The following ATP2B2 variants were observed in gnomAD, a reference collection of about 807,000 sequenced individuals.
ATP2B2 encodes the protein plasma membrane calcium-transporting ATPase 2.
Under a neutral mutation model 120.0 loss-of-function variants are expected in ATP2B2, and 15 were observed. The ratio of observed to expected loss-of-function variants is 0.12; its 90% CI spans 0.08 to 0.19. ATP2B2 has a LOEUF of 0.19. Ranked by LOEUF, ATP2B2 falls within the 10% of genes least tolerant of loss-of-function variation. ATP2B2 has a pLI of 1.00. For missense variants in ATP2B2, 1,045 were observed against 1,719.8 expected (o/e 0.61, Z 6.94); for synonymous variants, 694 against 700.3 (o/e 0.99, Z 0.14).
intron 14 of ATP2B2, among the ~76,000 whole-genome samples, chr3:10,358,137 A>G (rs1474787196): frequency 1.3e-5 from 2 of 152,184 alleles, no homozygotes; most frequent in Non-Finnish European, 2.9e-5. Context: ...GAATCTGATA[A>G]AAGTAGACTC....
At chr3:10,513,072 T>C (rs1404866281) in intron 3 of ATP2B2, among the ~76,000 whole-genome samples, 1 of 152,206 alleles carries the variant, frequency 6.6e-6, no homozygotes, top group Non-Finnish European at 1.5e-5. Context: ...ACCCATGGTG[T>C]CTGCTCTCAA....
intron 2 of ATP2B2, among the ~76,000 whole-genome samples, chr3:10,618,105 A>G (rs1426604752): frequency 6.6e-6 from 1 of 152,226 alleles, no homozygotes; most frequent in Non-Finnish European, 1.5e-5. Context: ...TGTTTTATCC[A>G]TTGTCCAGTC....
chr3:10,604,979 T>C (rs2069022993), intron 2 of ATP2B2, among the ~76,000 whole-genome samples: 2 of 152,220 alleles, frequency 1.3e-5, no homozygotes, highest in African/African-American at 4.8e-5. Flanking sequence ...ATGCCCTTTT[T>C]ACCCTGTCTA....
intron 1 of ATP2B2, among the ~76,000 whole-genome samples, chr3:10,469,295 T>A (rs1446207496): frequency 6.6e-6 from 1 of 152,252 alleles, no homozygotes; most frequent in Non-Finnish European, 1.5e-5. Flanking sequence ...CCACATCACA[T>A]CCCTATGAGG....
At chr3:10,510,874 C>A (rs6780421) in intron 3 of ATP2B2, among the ~76,000 whole-genome samples, 36,533 of 152,088 alleles carry the variant, frequency 0.24, 4,849 homozygotes, top group South Asian at 0.38. Context: ...TCCCGCCCAT[C>A]AATCCTGACT....
chr3:10,444,526 C>A (rs2063773156), intron 2 of ATP2B2, among the ~76,000 whole-genome samples: 1 of 152,240 alleles, frequency 6.6e-6, no homozygotes, highest in Admixed American at 6.5e-5. Flanking sequence ...CTGTGGGATT[C>A]ATACAAAATT....
intron 2 of ATP2B2, among the ~76,000 whole-genome samples, chr3:10,568,530 G>A (rs765565331): frequency 6.6e-6 from 1 of 152,196 alleles, no homozygotes; most frequent in Non-Finnish European, 1.5e-5. Context: ...AACTCAGGGG[G>A]AAGCTTGCTT....
intron 12 of ATP2B2, among the ~76,000 whole-genome samples, chr3:10,360,532 C>T (rs986923086): frequency 6.6e-6 from 1 of 152,206 alleles, no homozygotes; most frequent in Non-Finnish European, 1.5e-5. Flanking sequence ...TAATTCACTC[C>T]TTGTCCCAGA....
chr3:10,647,074 G>A (rs984323450), intron 1 of ATP2B2, among the ~76,000 whole-genome samples: 9 of 152,174 alleles, frequency 5.9e-5, no homozygotes, highest in Non-Finnish European at 1.0e-4. Flanking sequence ...CTTGGTGGGA[G>A]CAATGGGGGT....
intron 13 of ATP2B2, among the ~76,000 whole-genome samples, chr3:10,359,561 A>G (rs979462338): frequency 6.6e-6 from 1 of 152,196 alleles, no homozygotes; most frequent in African/African-American, 2.4e-5. Context: ...AAATGAAATA[A>G]GAGAGATCTA....
intron 2 of ATP2B2, among the ~76,000 whole-genome samples, chr3:10,572,685 C>T (rs1323370890): frequency 1.3e-5 from 2 of 152,148 alleles, no homozygotes; most frequent in African/African-American, 4.8e-5. Flanking sequence ...GTGCCTGCCC[C>T]CACTGCTCAC....
intron 1 of ATP2B2, among the ~76,000 whole-genome samples, chr3:10,627,830 T>A (rs1485568384): frequency 6.6e-6 from 1 of 152,070 alleles, no homozygotes; most frequent in Non-Finnish European, 1.5e-5. Context: ...TGATGGCCGT[T>A]TATCAAATGG....
chr3:10,491,528 G>A lies in ATP2B2; in HGVS notation c.-320+13937C>T, dbSNP rs542421576. On this transcript the variant is annotated intron_variant, in intron 1 of 22. Coordinates refer to ENST00000360273, the MANE Select transcript of ATP2B2 (RefSeq NM_001001331.4). The stretch of plus-strand genomic sequence containing the variant: ...GGCTTGAGCCAATGCGCCTGGCCTG[G>A]CTCTTTCACTCCTTAATGGGGCCCA... 1.7e-3 allele frequency among the ~76,000 whole-genome samples: 261 copies of A among 152,202 alleles called. 3 individuals carry two copies. Among genetic ancestry groups the A allele is most frequent in the African/African-American group, 6.0e-3 (250 of 41,532 alleles).
intron 2 of ATP2B2, among the ~76,000 whole-genome samples, chr3:10,436,128 CACTT>C (rs1335853646): frequency 1.3e-5 from 2 of 152,330 alleles, no homozygotes; most frequent in East Asian, 1.9e-4. Context: ...TGCCAGCTCA[CACTT>C]GCTTGTGAGA....
At chr3:10,428,460 C>A (rs2063210382) in intron 2 of ATP2B2, among the ~76,000 whole-genome samples, 1 of 152,192 alleles carries the variant, frequency 6.6e-6, no homozygotes, top group Admixed American at 6.5e-5. Flanking sequence ...CCTCTTGCCT[C>A]CCCAGGTGGC....
intron 2 of ATP2B2, among the ~76,000 whole-genome samples, chr3:10,571,764 G>A (rs115630745): frequency 1.2e-3 from 179 of 152,306 alleles, no homozygotes; most frequent in African/African-American, 4.0e-3. Context: ...AATGAGCATC[G>A]TTGGGTTCCC....
rs4040529 is a variant in ATP2B2 at position 10,385,768 on chromosome 3, C to CTG, written c.941-442_941-441insCA. ...ACTCAGAATGAGTATTCTCCATGAC[C>CTG]ACCATCTCTGTGCATCAGGGTGTTC... is the stretch of plus-strand genomic sequence containing the variant. On this transcript the variant is annotated intron_variant, in intron 7 of 22. Coordinates refer to ENST00000360273, the MANE Select transcript of ATP2B2 (RefSeq NM_001001331.4). Among the ~76,000 whole-genome samples, 1,014 of 152,324 alleles carry CTG rather than the reference C, an allele frequency of 6.7e-3. 12 individuals carry two copies. The highest frequency in any genetic ancestry group is 0.023 in the African/African-American group (969 of 41,578).
At chr3:10,416,759 T>A (rs972119331) in intron 2 of ATP2B2, among the ~76,000 whole-genome samples, 2 of 150,724 alleles carry the variant, frequency 1.3e-5, no homozygotes, top group Non-Finnish European at 3.0e-5. Flanking sequence ...TTTCTTTTTC[T>A]TTTTCTTTTT....
chr3:10,535,953 G>A (rs2067305291), intron 2 of ATP2B2, among the ~76,000 whole-genome samples: 1 of 151,890 alleles, frequency 6.6e-6, no homozygotes, highest in Admixed American at 6.6e-5. Flanking sequence ...CTGTTTTCCA[G>A]TATGGTAAAT....
Sources: gnomAD v4.1 joint callset for allele counts (sites outside exome capture counted in the v4.1 genomes callset) on GRCh38, gnomAD v4.1.1 for gene constraint, MANE v1.5 for transcripts, NCBI Gene and HGNC (gene_info 2026-07-23, HGNC 2026-07-21) for gene names.